The following TMCC3 variants were observed in gnomAD, a reference collection of about 807,000 sequenced individuals.
TMCC3 encodes transmembrane and coiled-coil domain protein 3.
A neutral mutation model predicts 40.2 loss-of-function variants in TMCC3; 28 were observed. That is an observed-to-expected ratio of 0.70 (90% CI 0.52 to 0.95). TMCC3 has a LOEUF of 0.95. Among genes scored for constraint, TMCC3 ranks in the 40% least tolerant of loss-of-function variants. TMCC3 has a pLI of 0.00. For missense variants in TMCC3, 554 were observed against 615.2 expected (o/e 0.90, Z 1.05); for synonymous variants, 255 against 248.5 (o/e 1.03, Z -0.25).
chr12:94,647,419 T>TA (rs1176971877), intron 1 of TMCC3, among the ~76,000 whole-genome samples: 2 of 152,216 alleles, frequency 1.3e-5, no homozygotes, highest in Non-Finnish European at 2.9e-5. Flanking sequence ...GTTTCCCTGT[T>TA]ATCTCAACAG....
At chr12:94,584,181 G>A (rs576553097) in intron 1 of TMCC3, among the ~76,000 whole-genome samples, 1 of 152,144 alleles carries the variant, frequency 6.6e-6, no homozygotes, top group African/African-American at 2.4e-5. Flanking sequence ...AATCATGGGG[G>A]CGGATTTCTC....
At chr12:94,613,229 C>T (rs1239619378) in intron 1 of TMCC3, among the ~76,000 whole-genome samples, 9 of 151,818 alleles carry the variant, frequency 5.9e-5, no homozygotes, top group Admixed American at 1.3e-4. Flanking sequence ...TTTGGGAGGC[C>T]GAGGCTGGTG....
rs1401085912 is a variant in TMCC3, at chr12:94,570,592, C to CA, written c.*842dup. On this transcript the variant is annotated 3_prime_UTR_variant, in exon 4 of 4. Transcript: ENST00000261226. ...AGCAATATTTAGCAGAGCCCTGTCT[C>CA]AAAAAAGAAAAAAGATTTGCCAAAA... 6.6e-6 allele frequency: 1 copy of CA among 152,174 alleles called. No individual in the cohort carries two copies. The highest frequency in any genetic ancestry group is 1.5e-5 in the Non-Finnish European group (1 of 67,972). The allele number at this position is 152,174 out of a possible 1,614,324, so 9.4% of individuals were successfully genotyped here. A position where few individuals can be genotyped will look rare whatever the true frequency, so the allele number is the denominator to read the frequency against.
intron 1 of TMCC3, among the ~76,000 whole-genome samples, chr12:94,635,644 TTGTG>T (rs1255613695): frequency 6.6e-6 from 1 of 151,616 alleles, no homozygotes; most frequent in Non-Finnish European, 1.5e-5. Flanking sequence ...ATGCCTGTTT[TTGTG>T]TGTGTATGTG....
intron 1 of TMCC3, among the ~76,000 whole-genome samples, chr12:94,589,213 A>G (rs12426149): frequency 0.05 from 7,634 of 152,062 alleles, 227 homozygotes; most frequent in East Asian, 0.098. Flanking sequence ...TCTTATTCCA[A>G]TGTAGCTCAG....
chr12:94,602,299 A>C (rs1283426409), intron 1 of TMCC3, among the ~76,000 whole-genome samples: 1 of 152,254 alleles, frequency 6.6e-6, no homozygotes, highest in Non-Finnish European at 1.5e-5. Flanking sequence ...CAGAGATCAC[A>C]GACTCAGAAC....
chr12:94,591,071 T>C (rs562356379), intron 1 of TMCC3: 2 of 515,266 alleles, frequency 3.9e-6, no homozygotes, highest in African/African-American at 1.9e-5. Context: ...AATATTCCAA[T>C]GCTCTTTGTC....
rs557015242 is a variant in TMCC3, at chr12:94,569,997, G to A, written c.*1438C>T. On this transcript the variant is annotated 3_prime_UTR_variant, in exon 4 of 4. Transcript: ENST00000261226. ...AAAGGAAAGTATCATCTGGGCTGAA[G>A]GCGGTGAATGGTATCCCCCAAACAG... 1.3e-5 allele frequency: 2 copies of A among 152,356 alleles called. No homozygotes were observed. The highest frequency in any genetic ancestry group is 2.1e-4 in the South Asian group (1 of 4,832). 9.4% of individuals were successfully genotyped at this position (152,356 alleles called of 1,614,324 possible). A position where few individuals can be genotyped will look rare whatever the true frequency, so the allele number is the denominator to read the frequency against.
chr12:94,582,996 A>ATTTTTT (rs1566316435), intron 1 of TMCC3, among the ~76,000 whole-genome samples: 583 of 22,034 alleles, frequency 0.026, 7 homozygotes, highest in Non-Finnish European at 0.031. Context: ...TTTTTTTTTA[A>ATTTTTT]AAAAGAAAGA....
intron 1 of TMCC3, among the ~76,000 whole-genome samples, chr12:94,612,091 T>C (rs892035672): frequency 6.6e-6 from 1 of 151,954 alleles, no homozygotes. Context: ...CTTGATCTCC[T>C]GGGCTCAACT....
intron 1 of TMCC3, among the ~76,000 whole-genome samples, chr12:94,618,189 G>A (rs1028261646): frequency 6.6e-6 from 1 of 152,116 alleles, no homozygotes; most frequent in African/African-American, 2.4e-5. Context: ...TTTCTTCAGC[G>A]TTTGCCTTTA....
chr12:94,580,364 C>T (rs1304076364), intron 2 of TMCC3, among the ~76,000 whole-genome samples: 3 of 152,152 alleles, frequency 2.0e-5, no homozygotes, highest in African/African-American at 7.2e-5. Flanking sequence ...ATACTTTAAT[C>T]TTAAGATGAC....
intron 3 of TMCC3, among the ~76,000 whole-genome samples, chr12:94,572,931 A>G (rs2068541601): frequency 6.6e-6 from 1 of 152,188 alleles, no homozygotes; most frequent in Non-Finnish European, 1.5e-5. Context: ...GATCTCGTCC[A>G]TGCCAAGTCT....
At chr12:94,645,591 C>T (rs746356750) in intron 1 of TMCC3, among the ~76,000 whole-genome samples, 3 of 152,138 alleles carry the variant, frequency 2.0e-5, no homozygotes, top group East Asian at 1.9e-4. Context: ...GCACCTGCCA[C>T]CATGCCGAGC....
At chr12:94,597,124 C>CATACATACATATATATAT (rs1491316794) in intron 1 of TMCC3, among the ~76,000 whole-genome samples, 1 of 29,834 alleles carries the variant, frequency 3.4e-5, no homozygotes, top group Non-Finnish European at 9.6e-5. Flanking sequence ...TATTAAAATA[C>CATACATACATATATATAT]ATATATATAT....
In TMCC3 at chr12:94,619,412, C is replaced by T. The variant is rs373652418; in HGVS notation, c.78+30941G>A. Among the ~76,000 whole-genome samples, 5 of 152,350 alleles carry T rather than the reference C, an allele frequency of 3.3e-5. No individual in the cohort carries two copies. The East Asian group carries it at 5.8e-4, about 18-fold the overall frequency. The stretch of plus-strand genomic sequence containing the variant: ...GATTCCCTACTAAGCCAGTCCCTAG[C>T]TTTTTCTCTCTCTGAACTCTTTAAA... On this transcript the variant is annotated intron_variant, in intron 1 of 3. Coordinates refer to ENST00000261226, the MANE Select transcript of TMCC3 (RefSeq NM_020698.4).
At chr12:94,576,829 G>A (rs1021601665) in intron 3 of TMCC3, among the ~76,000 whole-genome samples, 3 of 151,922 alleles carry the variant, frequency 2.0e-5, no homozygotes, top group Non-Finnish European at 1.5e-5. Flanking sequence ...GTTTCACTAC[G>A]TGCTAGGATC....
chr12:94,582,980 TTTTTTTTTTTTTTTA>T lies in TMCC3; in HGVS notation c.79-457_79-443del, dbSNP rs1477760298. 7.6e-4 allele frequency among the ~76,000 whole-genome samples: 57 copies of T among 75,260 alleles called. 1 individual carries two copies. The East Asian group carries it at 0.011, about 15-fold the overall frequency. The allele number at this position is 75,260 out of a possible 152,430, so 49.4% of individuals were successfully genotyped here. A position where few individuals can be genotyped will look rare whatever the true frequency, so the allele number is the denominator to read the frequency against. ...GAAGGAGAATCTTTTTTTTTTTTTT[TTTTTTTTTTTTTTTA>T]AAAAAGAAAGATGGGGAAAAATAGG... On this transcript the variant is annotated intron_variant, in intron 1 of 3. Coordinates refer to ENST00000261226, the MANE Select transcript of TMCC3 (RefSeq NM_020698.4).
chr12:94,572,900 C>T (rs2068541326), intron 3 of TMCC3, among the ~76,000 whole-genome samples: 1 of 151,912 alleles, frequency 6.6e-6, no homozygotes, highest in Non-Finnish European at 1.5e-5. Context: ...ACTCAGGACA[C>T]CATCCGAGGC....
Sources: allele counts gnomAD v4.1 joint callset (sites outside exome capture counted in the v4.1 genomes callset), GRCh38; gene constraint gnomAD v4.1.1; transcripts MANE v1.5; gene names NCBI Gene and HGNC (gene_info 2026-07-23, HGNC 2026-07-21).